The following LGALS4 variants were observed in gnomAD, a reference collection of about 807,000 sequenced individuals.
LGALS4 encodes the protein galectin 4.
A neutral mutation model predicts 39.6 loss-of-function variants in LGALS4; 37 were observed. The observed-to-expected ratio is 0.93, with a 90% CI of 0.72 to 1.23. The LOEUF is 1.23. Ranked by LOEUF, LGALS4 falls within the 50% of genes most tolerant of loss-of-function variation. LGALS4 has a pLI of 0.00. For synonymous variants in LGALS4, 160 were observed against 165.5 expected, an observed-to-expected ratio of 0.97 and a Z score of 0.25; for missense variants, 397 against 433.2, an observed-to-expected ratio of 0.92 and a Z score of 0.74.
chr19:38,809,470 G>A (rs535064297), intron 2 of LGALS4, among the ~76,000 whole-genome samples: 208 of 151,104 alleles, frequency 1.4e-3, no homozygotes, highest in African/African-American at 4.4e-3. Context: ...GTGAGACACC[G>A]TGCCTGACAT....
rs201459637 is a variant in LGALS4 at position 38,812,933 on chromosome 19, A to C, written c.-47T>G. On this transcript the variant is annotated 5_prime_UTR_variant, in exon 1 of 10. Transcript: ENST00000307751. ...CTGGTCCTGTGAGAAGAGCTGCAGG[A>C]GTGGGAGATGGTGGCGGATGGCAGG... is the stretch of plus-strand genomic sequence containing the variant. 3.2e-6 allele frequency: 5 copies of C among 1,585,258 alleles called. No individual in the cohort carries two copies. The highest frequency in any genetic ancestry group is 2.7e-5 in the African/African-American group (2 of 74,508).
chr19:38,812,896 C>T lies in LGALS4; in HGVS notation c.-10G>A, dbSNP rs774401874. On this transcript the variant is annotated 5_prime_UTR_variant, in exon 1 of 10. Coordinates refer to ENST00000307751, the MANE Select transcript of LGALS4 (RefSeq NM_006149.4). ...CGGGGACATAGGCCATCGCTCGAGG[C>T]TGCGCTAGTGGCTGGTCCTGTGAGA... 2.5e-6 allele frequency: 4 copies of T among 1,611,394 alleles called. No homozygotes were observed. In the South Asian group the frequency reaches 3.3e-5, roughly 13 times the overall value.
chr19:38,809,996 C>T (rs1014112134), intron 2 of LGALS4, among the ~76,000 whole-genome samples: 1 of 152,204 alleles, frequency 6.6e-6, no homozygotes, highest in Admixed American at 6.5e-5. Flanking sequence ...GGCACACCAG[C>T]ATCCTTGAAA....
chr19:38,801,703 C>T lies in LGALS4; in HGVS notation c.*61G>A. ...ACACCCTCAGACATTTTATTAGGGG[C>T]TTAGAAAGGAGTCCTAGGGGATAAT... On this transcript the variant is annotated 3_prime_UTR_variant, in exon 10 of 10. Transcript: ENST00000307751. 1 of 1,567,016 alleles carries T rather than the reference C, an allele frequency of 6.4e-7. No individual in the cohort carries two copies. Among genetic ancestry groups the T allele is most frequent in the Non-Finnish European group, 8.7e-7 (1 of 1,146,398 alleles).
chr19:38,810,595 C>T (rs1971481772), intron 2 of LGALS4, among the ~76,000 whole-genome samples: 1 of 152,050 alleles, frequency 6.6e-6, no homozygotes, highest in Non-Finnish European at 1.5e-5. Flanking sequence ...ATCTCCTGAC[C>T]TCGTGATCCG....
intron 1 of LGALS4, 48 bp downstream of exon 1, chr19:38,812,794 C>T (rs73933062): frequency 0.12 from 196,069 of 1,597,778 alleles, 13,401 homozygotes; most frequent in South Asian, 0.2. Context: ...GGTGTGAGGG[C>T]TTATGGACGG....
rs59965320 is a variant in LGALS4 at position 38,807,552 on chromosome 19, C to G, written c.340-957G>C. Among the ~76,000 whole-genome samples, 86 of 151,290 alleles carry G rather than the reference C, an allele frequency of 5.7e-4. 1 individual carries two copies. In the East Asian group the frequency reaches 0.015, roughly 26 times the overall value. On this transcript the variant is annotated intron_variant, in intron 3 of 9. Coordinates refer to ENST00000307751, the MANE Select transcript of LGALS4 (RefSeq NM_006149.4). Reference sequence around the variant, plus strand: ...CTGGGAGGTGAGGAGCGCCTCTGCCCGGCCGCCCCGTCTGGGAAGTGAGGA... The same window carrying G: ...CTGGGAGGTGAGGAGCGCCTCTGCCGGGCCGCCCCGTCTGGGAAGTGAGGA...
intron 4 of LGALS4, 24 bp from the exon 5 acceptor site, chr19:38,803,919 G>A (rs372212481): frequency 8.8e-6 from 14 of 1,597,200 alleles, no homozygotes; most frequent in African/African-American, 4.0e-5. Flanking sequence ...AAGAGAAAGC[G>A]GTTATGAGAG....
chr19:38,803,490 C>T (rs1971385110), intron 7 of LGALS4, 32 bp downstream of exon 7: 4 of 1,611,858 alleles, frequency 2.5e-6, no homozygotes, highest in Non-Finnish European at 1.7e-6. Context: ...TGCCCCCTCC[C>T]CACCATCCAT....
rs374361719 is a variant in LGALS4, at chr19:38,812,899, C to T, written c.-13G>A. Reference sequence around the variant, plus strand: ...GGACATAGGCCATCGCTCGAGGCTGCGCTAGTGGCTGGTCCTGTGAGAAGA... The same window carrying T: ...GGACATAGGCCATCGCTCGAGGCTGTGCTAGTGGCTGGTCCTGTGAGAAGA... On this transcript the variant is annotated 5_prime_UTR_variant, in exon 1 of 10. Coordinates refer to ENST00000307751, the MANE Select transcript of LGALS4 (RefSeq NM_006149.4). 40 of 1,610,784 alleles carry T rather than the reference C, an allele frequency of 2.5e-5. No homozygotes were observed. In the Admixed American group the frequency reaches 4.3e-4, roughly 17 times the overall value.
chr19:38,803,598 T>C, intron 6 of LGALS4, 47 bp from the exon 7 acceptor site: 1 of 1,608,726 alleles, frequency 6.2e-7, no homozygotes, highest in South Asian at 1.1e-5. Context: ...AGTCGACAGA[T>C]ATCTATGACA....
chr19:38,803,929 G>A (rs759745655), intron 4 of LGALS4, 34 bp from the exon 5 acceptor site: 14 of 1,590,972 alleles, frequency 8.8e-6, no homozygotes, highest in Non-Finnish European at 1.2e-5. Context: ...GGTTATGAGA[G>A]GGTCCCCAGA....
chr19:38,803,168 C>T, intron 7 of LGALS4: 1 of 282,920 alleles, frequency 3.5e-6, no homozygotes, highest in Admixed American at 4.7e-5. Flanking sequence ...GCGCGCGCCA[C>T]CATGCCCAGC....
intron 2 of LGALS4, among the ~76,000 whole-genome samples, chr19:38,810,355 T>C (rs1340902534): frequency 5.7e-5 from 4 of 69,674 alleles, no homozygotes; most frequent in African/African-American, 2.3e-4. Context: ...AGATTTCGCC[T>C]TTTTTTTTTT....
At position 38,806,694 on chromosome 19, in the gene LGALS4, C is replaced by T. The variant is rs1043256239; in HGVS notation, c.340-99G>A. 48 of 1,325,244 alleles carry T rather than the reference C, an allele frequency of 3.6e-5. No homozygotes were observed. The African/African-American group carries it at 6.7e-4, about 18-fold the overall frequency. The allele number at this position is 1,325,244 out of a possible 1,614,324, so 82.1% of individuals were successfully genotyped here. ...GGGCACCCTGGCTCACGCCTCTAAT[C>T]CCAGCACTTTGGGAGGCTGAGGGGG... On this transcript the variant is annotated intron_variant, in intron 3 of 9. Coordinates refer to ENST00000307751, the MANE Select transcript of LGALS4 (RefSeq NM_006149.4).
chr19:38,806,057 G>A (rs1971417976), intron 4 of LGALS4, among the ~76,000 whole-genome samples: 1 of 152,000 alleles, frequency 6.6e-6, no homozygotes, highest in African/African-American at 2.4e-5. Flanking sequence ...GGGAGACAGA[G>A]CAAGACTCCA....
Position 38,801,759 on chromosome 19 carries a change from A to G in LGALS4, c.*5T>C, listed in dbSNP as rs1555719169. On this transcript the variant is annotated 3_prime_UTR_variant, in exon 10 of 10. Transcript: ENST00000307751. Reference sequence around the variant, plus strand: ...TTTCCCATGAGTTATGGCCCCAGGAATAGATTAGATCTGGACATAGGACAA... The same window carrying G: ...TTTCCCATGAGTTATGGCCCCAGGAGTAGATTAGATCTGGACATAGGACAA... The G allele has an allele frequency of 1.1e-5, 18 of 1,613,930 alleles. No individual in the cohort carries two copies. Among genetic ancestry groups the G allele is most frequent in the Non-Finnish European group, 1.5e-5 (18 of 1,179,958 alleles).
rs754742487 is a variant in LGALS4, at chr19:38,808,915, C to T, written c.168G>A (p.Pro56=). The change falls in exon 3 of 10, where the codon CCG becomes CCA. Residue 56 remains proline (P), a synonymous_variant. Transcript: ENST00000307751. ...FFVNFVVGQD[P]GSDVAFHFNP... Reference sequence around the variant, plus strand: ...TGAAGTGGAAGGCGACGTCTGAGCCCGGATCCTGCCCAACCACAAAGTTCA... The same window carrying T: ...TGAAGTGGAAGGCGACGTCTGAGCCTGGATCCTGCCCAACCACAAAGTTCA... The T allele has an allele frequency of 8.7e-6, 14 of 1,613,450 alleles. No individual in the cohort carries two copies. The highest frequency in any genetic ancestry group is 2.2e-5 in the East Asian group (1 of 44,860).
chr19:38,809,127 G>C lies in LGALS4; in HGVS notation c.135-179C>G, dbSNP rs76168370. The stretch of plus-strand genomic sequence containing the variant: ...AGCGTGGAGAGGACCTGAGTTCTGA[G>C]GGGGGCAGATTCCCACCACCACACC... On this transcript the variant is annotated intron_variant, in intron 2 of 9. Transcript: ENST00000307751. Among the ~76,000 whole-genome samples the C allele has an allele frequency of 2.4e-3, 366 of 150,912 alleles. 1 individual carries two copies. Among genetic ancestry groups the C allele is most frequent in the African/African-American group, 8.5e-3 (344 of 40,512 alleles).
Sources: gnomAD v4.1 joint callset for allele counts (sites outside exome capture counted in the v4.1 genomes callset) on GRCh38, gnomAD v4.1.1 for gene constraint, MANE v1.5 for transcripts, NCBI Gene and HGNC (gene_info 2026-07-23, HGNC 2026-07-21) for gene names.